PPP3CA: variants seen among roughly 807,000 people sequenced by gnomAD.
PPP3CA encodes protein phosphatase 3 catalytic subunit alpha.
PPP3CA carries 14 observed loss-of-function variants against 66.5 expected under a neutral mutation model. The observed-to-expected ratio is 0.21, with a 90% CI of 0.14 to 0.33. The LOEUF (loss-of-function observed/expected upper bound fraction) is 0.33. PPP3CA is among the 10% of genes least tolerant of loss of function. The probability of loss-of-function intolerance (pLI) is 1.00; values close to 1 mark genes in which losing one functional copy is unlikely to be tolerated. For synonymous variants in PPP3CA, 232 were observed against 226.2 expected (o/e 1.03, Z -0.23); for missense variants, 317 against 639.5 (o/e 0.50, Z 5.44).
Position 101,124,712 on chromosome 4 carries a change from A to AGAAAGAAAGAAAGAAG in PPP3CA, c.260-15635_260-15634insCTTCTTTCTTTCTTTC, listed in dbSNP as rs1722157917. On this transcript the variant is annotated intron_variant, in intron 2 of 13. Transcript: ENST00000394854. ...AAGAAAGAAAGAAAGAAAGAAAGAA[A>AGAAAGAAAGAAAGAAG]GAAAGAAAGAAAGAGAAAGAAAGAA... is the stretch of plus-strand genomic sequence containing the variant. Among the ~76,000 whole-genome samples the AGAAAGAAAGAAAGAAG allele has an allele frequency of 4.1e-5, 4 of 97,630 alleles. No homozygotes were observed. In the East Asian group the frequency reaches 8.1e-4, roughly 20 times the overall value. 64.0% of individuals were successfully genotyped at this position (97,630 alleles called of 152,430 possible).
intron 1 of PPP3CA, among the ~76,000 whole-genome samples, chr4:101,213,665 C>A (rs1725372512): frequency 1.3e-5 from 2 of 152,006 alleles, no homozygotes; most frequent in Non-Finnish European, 2.9e-5. Flanking sequence ...TTCAGAATAA[C>A]CCTATGTAAT....
At chr4:101,274,703 A>G (rs192020757) in intron 1 of PPP3CA, among the ~76,000 whole-genome samples, 1 of 152,278 alleles carries the variant, frequency 6.6e-6, no homozygotes, top group East Asian at 1.9e-4. Context: ...GAAAAAATAC[A>G]TGTTGTCCAA....
intron 2 of PPP3CA, among the ~76,000 whole-genome samples, chr4:101,131,239 A>T (rs1221144463): frequency 1.2e-5 from 1 of 84,776 alleles, no homozygotes; most frequent in Non-Finnish European, 2.3e-5. Flanking sequence ...TCCGTCTCAA[A>T]ATAAATAAAT....
chr4:101,036,889 C>A (rs1727277612), intron 11 of PPP3CA, among the ~76,000 whole-genome samples: 1 of 152,184 alleles, frequency 6.6e-6, no homozygotes, highest in Non-Finnish European at 1.5e-5. Flanking sequence ...CTATCAATGG[C>A]ATAGACTGGA....
At chr4:101,235,088 G>A (rs2659527) in intron 1 of PPP3CA, among the ~76,000 whole-genome samples, 16,931 of 151,640 alleles carry the variant, frequency 0.11, 1,364 homozygotes, top group East Asian at 0.31. Context: ...TTAACACATG[G>A]AAGATATTAT....
chr4:101,207,329 T>G (rs1344337144), intron 1 of PPP3CA, among the ~76,000 whole-genome samples: 2 of 152,206 alleles, frequency 1.3e-5, no homozygotes, highest in Admixed American at 6.5e-5. Context: ...TAAAAAGACA[T>G]TTTTAATTGC....
chr4:101,033,183 C>T (rs945812428), intron 11 of PPP3CA, among the ~76,000 whole-genome samples: 2 of 151,834 alleles, frequency 1.3e-5, no homozygotes, highest in African/African-American at 4.8e-5. Context: ...TGCAATCCTA[C>T]ATAACCAGAA....
intron 12 of PPP3CA, among the ~76,000 whole-genome samples, chr4:101,031,292 A>G (rs896007408): frequency 3.3e-5 from 5 of 152,178 alleles, no homozygotes; most frequent in Non-Finnish European, 7.4e-5. Context: ...AAAGAAAGAT[A>G]CAGGAAAATA....
intron 1 of PPP3CA, among the ~76,000 whole-genome samples, chr4:101,207,046 G>C (rs1553932935): frequency 6.6e-6 from 1 of 150,986 alleles, no homozygotes; most frequent in Admixed American, 6.6e-5. Flanking sequence ...AAAGGGACAA[G>C]AAAAAAAAAT....
intron 1 of PPP3CA, among the ~76,000 whole-genome samples, chr4:101,229,140 C>CA (rs1446912791): frequency 2.0e-5 from 3 of 151,478 alleles, no homozygotes; most frequent in Admixed American, 6.6e-5. Flanking sequence ...TACAAGAACA[C>CA]AAAACATTTT....
intron 1 of PPP3CA, among the ~76,000 whole-genome samples, chr4:101,268,404 C>G (rs1560689757): frequency 1.3e-5 from 2 of 152,090 alleles, no homozygotes; most frequent in Non-Finnish European, 2.9e-5. Context: ...CGTAGGCCTT[C>G]AACAATTTCA....
chr4:101,075,006 A>G (rs1729121511), intron 8 of PPP3CA, among the ~76,000 whole-genome samples: 2 of 152,232 alleles, frequency 1.3e-5, no homozygotes, highest in African/African-American at 4.8e-5. Flanking sequence ...CATGTCTTAT[A>G]TGGTGACAGG....
intron 10 of PPP3CA, among the ~76,000 whole-genome samples, chr4:101,047,543 T>A (rs72681033): frequency 1.3e-5 from 2 of 152,216 alleles, no homozygotes; most frequent in Non-Finnish European, 2.9e-5. Context: ...AGAAATCTTA[T>A]ATTATTCTTT....
chr4:101,197,808 T>A (rs1479334032), intron 1 of PPP3CA, among the ~76,000 whole-genome samples: 1 of 152,168 alleles, frequency 6.6e-6, no homozygotes, highest in Admixed American at 6.6e-5. Flanking sequence ...ATTAAGCACC[T>A]TGCCCAAGAT....
intron 1 of PPP3CA, among the ~76,000 whole-genome samples, chr4:101,340,953 T>C (rs1729794312): frequency 6.6e-6 from 1 of 152,168 alleles, no homozygotes; most frequent in African/African-American, 2.4e-5. Context: ...TACTATTCTA[T>C]TTCTGTGTAT....
intron 2 of PPP3CA, among the ~76,000 whole-genome samples, chr4:101,128,687 T>C (rs759491379): frequency 1.3e-5 from 2 of 152,018 alleles, no homozygotes; most frequent in Admixed American, 6.6e-5. Flanking sequence ...CTTGAGGAAC[T>C]GTGCTGTGAG....
intron 1 of PPP3CA, among the ~76,000 whole-genome samples, chr4:101,199,803 CAG>C (rs1275073669): frequency 6.6e-6 from 1 of 152,160 alleles, no homozygotes; most frequent in Non-Finnish European, 1.5e-5. Flanking sequence ...CTGTTTCCAG[CAG>C]AGAGTTTATC....
chr4:101,202,901 C>G (rs1725014504), intron 1 of PPP3CA, among the ~76,000 whole-genome samples: 1 of 152,036 alleles, frequency 6.6e-6, no homozygotes, highest in Non-Finnish European at 1.5e-5. Flanking sequence ...TACTACTATA[C>G]CAGTCCTGAG....
chr4:101,346,338 G>A (rs1405869459), intron 1 of PPP3CA, among the ~76,000 whole-genome samples: 8 of 152,108 alleles, frequency 5.3e-5, no homozygotes, highest in Admixed American at 3.3e-4. Flanking sequence ...TCCCTCTGCA[G>A]AAGAAAACCA....
Sources: allele counts gnomAD v4.1 joint callset (sites outside exome capture counted in the v4.1 genomes callset), GRCh38; gene constraint gnomAD v4.1.1; transcripts MANE v1.5; gene names NCBI Gene and HGNC (gene_info 2026-07-23, HGNC 2026-07-21).